ZNF804A: variants seen among roughly 807,000 people sequenced by gnomAD.
The protein encoded by ZNF804A is zinc finger protein 804A.
ZNF804A carries 2 observed loss-of-function variants against 16.5 expected under a neutral mutation model. That is an observed-to-expected ratio of 0.12 (90% confidence interval 0.05 to 0.38). ZNF804A has a LOEUF of 0.38. Among genes scored for constraint, ZNF804A ranks in the 10% least tolerant of loss-of-function variants. The pLI is 0.99. For synonymous variants in ZNF804A, 534 were observed against 489.6 expected, an observed-to-expected ratio of 1.09 and a Z score of -1.20; for missense variants, 1,473 against 1,390.7, an observed-to-expected ratio of 1.06 and a Z score of -0.94.
At chr2:184,765,622 T>C (rs1694111961) in intron 1 of ZNF804A, among the ~76,000 whole-genome samples, 1 of 96,996 alleles carries the variant, frequency 1.0e-5, no homozygotes, top group Non-Finnish European at 1.9e-5. Flanking sequence ...CCCCTTAGAG[T>C]CGTGAGCCCT....
chr2:184,645,581 A>G (rs1193663763), intron 1 of ZNF804A, among the ~76,000 whole-genome samples: 2 of 152,228 alleles, frequency 1.3e-5, no homozygotes, highest in Non-Finnish European at 2.9e-5. Flanking sequence ...ATTAAAAAAG[A>G]AAAGCTGATA....
intron 1 of ZNF804A, among the ~76,000 whole-genome samples, chr2:184,762,827 G>C (rs1473082303): frequency 1.3e-5 from 2 of 152,040 alleles, no homozygotes; most frequent in Non-Finnish European, 2.9e-5. Flanking sequence ...TTTCTAAGCA[G>C]TGAGGAAATG....
intron 1 of ZNF804A, among the ~76,000 whole-genome samples, chr2:184,722,976 A>G (rs752426324): frequency 6.6e-6 from 1 of 152,054 alleles, no homozygotes; most frequent in Non-Finnish European, 1.5e-5. Flanking sequence ...TAAGGTAATC[A>G]TCCAATTTAA....
At chr2:184,688,586 A>T (rs907329812) in intron 1 of ZNF804A, among the ~76,000 whole-genome samples, 1 of 152,034 alleles carries the variant, frequency 6.6e-6, no homozygotes, top group African/African-American at 2.4e-5. Flanking sequence ...TATTTCCCAC[A>T]ATTTTATGAT....
chr2:184,705,300 G>C (rs912685313), intron 1 of ZNF804A, among the ~76,000 whole-genome samples: 2 of 152,172 alleles, frequency 1.3e-5, no homozygotes, highest in East Asian at 3.9e-4. Flanking sequence ...ATTTGGAATA[G>C]GAAGAAAGGA....
chr2:184,759,604 A>AT (rs1315452850), intron 1 of ZNF804A, among the ~76,000 whole-genome samples: 3 of 152,094 alleles, frequency 2.0e-5, no homozygotes. Flanking sequence ...ATAGCAATTG[A>AT]TTTTTTTAAC....
Position 184,936,045 on chromosome 2 carries a change from G to T in ZNF804A, c.649G>T (p.Ala217Ser), listed in dbSNP as rs765801833. Reference protein sequence around the residue: ...IHRHKIGFSFAFPKKASVKLE... With the variant: ...IHRHKIGFSFSFPKKASVKLE... ...CAGACACAAAATCGGCTTTTCTTTTGCATTTCCAAAGAAAGCGTCCGTGAA... is the reference window on the plus strand; with the variant it reads ...CAGACACAAAATCGGCTTTTCTTTTTCATTTCCAAAGAAAGCGTCCGTGAA... The change falls in exon 4 of 4, where the codon GCA becomes TCA. Residue 217 changes from alanine to serine, a missense_variant. Physicochemically the swap from Ala to Ser is moderately conservative, Grantham distance 99 (BLOSUM62 1). Transcript: ENST00000302277. 2 of 1,614,018 alleles carry T rather than the reference G, an allele frequency of 1.2e-6. No individual in the cohort carries two copies. The highest frequency in any genetic ancestry group is 1.7e-5 in the Admixed American group (1 of 59,988).
rs913440186 is a variant in ZNF804A, at chr2:184,771,872, T to C, written c.112-94497T>C. The stretch of plus-strand genomic sequence containing the variant: ...ATGTAATCTCAGGAGTGACACCTGA[T>C]TGCTTTAGCGATATAACATAATGTA... On this transcript the variant is annotated intron_variant, in intron 1 of 3. Coordinates refer to ENST00000302277, the MANE Select transcript of ZNF804A (RefSeq NM_194250.2). Among the ~76,000 whole-genome samples, 9 of 152,156 alleles carry C rather than the reference T, an allele frequency of 5.9e-5. 1 individual carries two copies. The South Asian group carries it at 1.7e-3, about 28-fold the overall frequency.
intron 1 of ZNF804A, among the ~76,000 whole-genome samples, chr2:184,830,760 C>T (rs1695252038): frequency 6.6e-6 from 1 of 152,060 alleles, no homozygotes; most frequent in African/African-American, 2.4e-5. Context: ...TCACCTTCCT[C>T]CTCCTAGAGA....
At chr2:184,903,816 A>C (rs1685226295) in intron 2 of ZNF804A, among the ~76,000 whole-genome samples, 1 of 152,142 alleles carries the variant, frequency 6.6e-6, no homozygotes, top group Non-Finnish European at 1.5e-5. Context: ...GATTTATGCT[A>C]TAAACATATC....
intron 1 of ZNF804A, among the ~76,000 whole-genome samples, chr2:184,767,842 T>C (rs1694153558): frequency 1.3e-5 from 2 of 152,084 alleles, no homozygotes; most frequent in Non-Finnish European, 2.9e-5. Flanking sequence ...AATCCAAAAT[T>C]GTTGCAAATA....
chr2:184,839,972 A>G (rs1451193644), intron 1 of ZNF804A, among the ~76,000 whole-genome samples: 1 of 152,146 alleles, frequency 6.6e-6, no homozygotes, highest in Admixed American at 6.6e-5. Context: ...CTTAATATCT[A>G]AGTCTGCCTG....
intron 1 of ZNF804A, among the ~76,000 whole-genome samples, chr2:184,838,940 C>T (rs1159934130): frequency 6.6e-6 from 1 of 151,990 alleles, no homozygotes; most frequent in African/African-American, 2.4e-5. Flanking sequence ...AATACTTTAT[C>T]CATTGATATG....
chr2:184,697,435 C>A lies in ZNF804A; in HGVS notation c.111+98365C>A, dbSNP rs546638512. Among the ~76,000 whole-genome samples, 7 of 152,136 alleles carry A rather than the reference C, an allele frequency of 4.6e-5. No individual in the cohort carries two copies. In the South Asian group the frequency reaches 1.5e-3, roughly 32 times the overall value. ...ATCCCAGTTGATTAAGGAACAACTA[C>A]TACTTACATTAAATGCTAGAAAATC... On this transcript the variant is annotated intron_variant, in intron 1 of 3. Coordinates refer to ENST00000302277, the MANE Select transcript of ZNF804A (RefSeq NM_194250.2).
chr2:184,896,464 G>C (rs1685071716), intron 2 of ZNF804A, among the ~76,000 whole-genome samples: 1 of 152,090 alleles, frequency 6.6e-6, no homozygotes, highest in Non-Finnish European at 1.5e-5. Context: ...ATAGCCAATA[G>C]TGAATAATCA....
chr2:184,844,563 T>A (rs1192996494), intron 1 of ZNF804A, among the ~76,000 whole-genome samples: 1 of 152,072 alleles, frequency 6.6e-6, no homozygotes, highest in African/African-American at 2.4e-5. Flanking sequence ...TGATGAGAAG[T>A]CTATTGTAAT....
rs1344743730 is a variant in ZNF804A at position 184,751,281 on chromosome 2, G to A, written c.112-115088G>A. 1.3e-4 allele frequency among the ~76,000 whole-genome samples: 19 copies of A among 151,300 alleles called. No individual in the cohort carries two copies. In the Admixed American group the frequency reaches 1.3e-3, roughly 10 times the overall value. Reference sequence around the variant, plus strand: ...ATGAATGCACAATGGGGAAAGAATAGCCTCTTCAAAAAATGGTGTTGAGAA... The same window carrying A: ...ATGAATGCACAATGGGGAAAGAATAACCTCTTCAAAAAATGGTGTTGAGAA... On this transcript the variant is annotated intron_variant, in intron 1 of 3. Transcript: ENST00000302277.
chr2:184,881,741 T>A (rs1684812960), intron 2 of ZNF804A, among the ~76,000 whole-genome samples: 1 of 152,030 alleles, frequency 6.6e-6, no homozygotes, highest in Admixed American at 6.6e-5. Context: ...GCTAAGGAAT[T>A]TCATAATGAC....
chr2:184,820,866 G>T (rs942727465), intron 1 of ZNF804A, among the ~76,000 whole-genome samples: 1 of 152,006 alleles, frequency 6.6e-6, no homozygotes, highest in Non-Finnish European at 1.5e-5. Flanking sequence ...CAAGGGAAAT[G>T]AAGCACCTCT....
Sources: allele counts gnomAD v4.1 joint callset (sites outside exome capture counted in the v4.1 genomes callset), GRCh38; gene constraint gnomAD v4.1.1; transcripts MANE v1.5; gene names NCBI Gene and HGNC (gene_info 2026-07-23, HGNC 2026-07-21).